The following PTPN3 variants were observed in gnomAD, a reference collection of about 807,000 sequenced individuals.
PTPN3 encodes the protein protein tyrosine phosphatase non-receptor type 3.
In PTPN3, 96 loss-of-function variants were observed where a neutral mutation model predicts 132.7. The observed-to-expected ratio is 0.72, with a 90% CI of 0.61 to 0.86. PTPN3 has a LOEUF of 0.86. PTPN3 is among the 40% of genes least tolerant of loss of function. The probability of loss-of-function intolerance (pLI) is 0.00; values close to 1 mark genes in which losing one functional copy is unlikely to be tolerated. For synonymous variants in PTPN3, 398 were observed against 429.0 expected, an observed-to-expected ratio of 0.93 and a Z score of 0.89; for missense variants, 1,125 against 1,159.6, an observed-to-expected ratio of 0.97 and a Z score of 0.43.
At chr9:109,505,077 T>C in the PTPN3 span, among the ~76,000 whole-genome samples, 4 of 152,180 alleles carry the variant, frequency 2.6e-5, no homozygotes, top group Non-Finnish European at 5.9e-5. Context: ...TAATCCCTAA[T>C]AGAGGATTCT....
chr9:109,396,203 G>C (rs1436675471), intron 19 of PTPN3, among the ~76,000 whole-genome samples: 1 of 152,108 alleles, frequency 6.6e-6, no homozygotes, highest in Non-Finnish European at 1.5e-5. Flanking sequence ...AGGCCCTGTG[G>C]GCTGCTTGGC....
the PTPN3 span, among the ~76,000 whole-genome samples, chr9:109,523,596 C>T: frequency 1.3e-4 from 20 of 152,280 alleles, no homozygotes; most frequent in Non-Finnish European, 2.5e-4. Flanking sequence ...TTCAACTGGG[C>T]TCTGCATTTC....
chr9:109,408,658 C>T (rs1005602029), intron 16 of PTPN3, among the ~76,000 whole-genome samples: 1 of 151,832 alleles, frequency 6.6e-6, no homozygotes, highest in African/African-American at 2.4e-5. Context: ...AACAGATACA[C>T]TCAGAGAGAA....
chr9:109,396,995 G>A (rs778824755), intron 19 of PTPN3, among the ~76,000 whole-genome samples: 14 of 152,166 alleles, frequency 9.2e-5, no homozygotes, highest in South Asian at 2.1e-4. Context: ...CAAGCACTCC[G>A]TCAACTCTAT....
intron 1 of PTPN3, among the ~76,000 whole-genome samples, chr9:109,471,787 T>G (rs1415788489): frequency 6.6e-6 from 1 of 152,088 alleles, no homozygotes; most frequent in African/African-American, 2.4e-5. Context: ...ACTACAAATG[T>G]ATACCAACGC....
chr9:109,418,546 T>C (rs1842684253), intron 14 of PTPN3, among the ~76,000 whole-genome samples: 1 of 152,206 alleles, frequency 6.6e-6, no homozygotes, highest in South Asian at 2.1e-4. Context: ...AATGCACTTT[T>C]CGCTTGTAGA....
chr9:109,533,528 C>T, the PTPN3 span: 4 of 1,599,846 alleles, frequency 2.5e-6, no homozygotes, highest in East Asian at 2.2e-5. Context: ...GGTCTCACCT[C>T]GTTGATTTTC....
rs780874349 is a variant in PTPN3 at position 109,410,363 on chromosome 9, T to A, written c.1366A>T (p.Ser456Cys). The A allele has an allele frequency of 6.2e-7, 1 of 1,614,214 alleles. No individual in the cohort carries two copies. Among genetic ancestry groups the A allele is most frequent in the East Asian group, 2.2e-5 (1 of 44,892 alleles). Residue 456 changes from serine (S) to cysteine (C), a missense_variant, in exon 15 of 26, where the codon AGT becomes TGT. Ser to Cys is a moderately radical substitution (Grantham distance 112). Transcript: ENST00000374541. The part of the protein sequence containing the change: ...AQSYLTQKSS[S>C]SVSPSSNAPG... ...GCATTTGAAGATGGAGACACAGAAC[T>A]GGATGACTTCTGGGTCAGGTAGCTT...
At chr9:109,411,870 T>C (rs1408928460) in intron 14 of PTPN3, among the ~76,000 whole-genome samples, 1 of 152,048 alleles carries the variant, frequency 6.6e-6, no homozygotes. Context: ...AGGACAAGAG[T>C]CTGGCCTTAT....
In PTPN3 at chr9:109,391,877, G is replaced by A. The variant is rs531956364; in HGVS notation, c.1954-316C>T. 1.3e-4 allele frequency among the ~76,000 whole-genome samples: 13 copies of A among 101,066 alleles called. 3 individuals are homozygous for A. In the South Asian group the frequency reaches 2.6e-3, roughly 20 times the overall value. The allele number at this position is 101,066 out of a possible 152,430, so 66.3% of individuals were successfully genotyped here. ...GCTAAAAGCAACTAGATGTGGGGGG[G>A]GGGGGGAAGAATTCTGGCTCAAAAT... On this transcript the variant is annotated intron_variant, in intron 19 of 25. Transcript: ENST00000374541.
intron 1 of PTPN3, among the ~76,000 whole-genome samples, chr9:109,465,885 G>A (rs186976687): frequency 5.7e-4 from 87 of 151,892 alleles, no homozygotes; most frequent in African/African-American, 2.0e-3. Flanking sequence ...TGATGAGCTG[G>A]GCCTCTGCAT....
intron 13 of PTPN3, among the ~76,000 whole-genome samples, chr9:109,421,907 G>A (rs1166680897): frequency 6.6e-6 from 1 of 152,012 alleles, no homozygotes; most frequent in East Asian, 1.9e-4. Context: ...TGGAGCTGGG[G>A]GCAATGATTC....
At chr9:109,492,150 A>G (rs1466915471) in intron 1 of PTPN3, among the ~76,000 whole-genome samples, 1 of 151,966 alleles carries the variant, frequency 6.6e-6, no homozygotes, top group East Asian at 1.9e-4. Context: ...TCAGAGGCCA[A>G]CCTCCCCTCC....
At position 109,420,605 on chromosome 9, in the gene PTPN3, G is replaced by T; in HGVS notation, c.1137-5C>A. ...TGCCGGAGCCGAGGACTTCGCCTGGGTGGGAAAAACGTTGAGTGCAAAGTG... is the reference window on the plus strand; with the variant it reads ...TGCCGGAGCCGAGGACTTCGCCTGGTTGGGAAAAACGTTGAGTGCAAAGTG... On this transcript the variant is annotated splice_polypyrimidine_tract_variant and splice_region_variant and intron_variant, in intron 13 of 25. Transcript: ENST00000374541. The T allele has an allele frequency of 6.2e-7, 1 of 1,603,280 alleles. No homozygotes were observed. Among genetic ancestry groups the T allele is most frequent in the South Asian group, 1.1e-5 (1 of 90,496 alleles).
chr9:109,386,285 C>A (rs919132444), intron 22 of PTPN3, among the ~76,000 whole-genome samples: 2 of 152,048 alleles, frequency 1.3e-5, no homozygotes, highest in Non-Finnish European at 2.9e-5. Flanking sequence ...GGATAACATG[C>A]CAAAGAAGGA....
chr9:109,381,927 T>C, intron 24 of PTPN3, 140 bp from the exon 25 acceptor site: 1 of 1,016,266 alleles, frequency 9.8e-7, no homozygotes, highest in Non-Finnish European at 1.5e-6. Flanking sequence ...CACGGCGTGC[T>C]CTCAAACAGG....
At position 109,436,981 on chromosome 9, in the gene PTPN3, A is replaced by G; in HGVS notation, c.588-11T>C. On this transcript the variant is annotated splice_polypyrimidine_tract_variant and intron_variant, in intron 8 of 25. Coordinates refer to ENST00000374541, the MANE Select transcript of PTPN3 (RefSeq NM_002829.4). ...GATTGTTTTAGCCCACTACGGAAGA[A>G]AAGACAAAAAGCAGAGTTCATCCAA... 1 of 1,613,582 alleles carries G rather than the reference A, an allele frequency of 6.2e-7. No individual in the cohort carries two copies.
At chr9:109,453,163 G>A (rs745655115) in intron 5 of PTPN3, among the ~76,000 whole-genome samples, 14 of 152,104 alleles carry the variant, frequency 9.2e-5, no homozygotes, top group Non-Finnish European at 1.9e-4. Flanking sequence ...GAGGGAGGAG[G>A]TGCACAAAGA....
intron 6 of PTPN3, 53 bp from the exon 7 acceptor site, chr9:109,445,345 A>C: frequency 1.4e-6 from 2 of 1,471,926 alleles, no homozygotes; most frequent in Non-Finnish European, 1.9e-6. Context: ...AACAGCCTTA[A>C]ACATTGACAG....
Sources: gnomAD v4.1 joint callset for allele counts (sites outside exome capture counted in the v4.1 genomes callset) on GRCh38, gnomAD v4.1.1 for gene constraint, MANE v1.5 for transcripts, NCBI Gene and HGNC (gene_info 2026-07-23, HGNC 2026-07-21) for gene names.